Variants in ANAPC7 observed in about 807,000 individuals in gnomAD.
ANAPC7 encodes anaphase promoting complex subunit 7, also known as anaphase-promoting complex subunit 7.
ANAPC7 carries 25 observed loss-of-function variants against 63.3 expected under a neutral mutation model. The ratio of observed to expected loss-of-function variants is 0.39; its 90% CI spans 0.29 to 0.55. The LOEUF is 0.55. Among genes scored for constraint, ANAPC7 ranks in the 20% least tolerant of loss-of-function variants. ANAPC7 has a pLI of 0.57. For missense variants in ANAPC7, 516 were observed against 691.7 expected (o/e 0.75, Z 2.85); for synonymous variants, 241 against 251.7 (o/e 0.96, Z 0.40).
chr12:110,398,837 C>T (rs759671095), intron 1 of ANAPC7, among the ~76,000 whole-genome samples: 5 of 151,442 alleles, frequency 3.3e-5, no homozygotes, highest in African/African-American at 4.8e-5. Context: ...CCCAGCTATT[C>T]GGGAGGCTGA....
At chr12:110,377,840 G>C in intron 8 of ANAPC7, 1 of 1,405,850 alleles carries the variant, frequency 7.1e-7, no homozygotes, top group Non-Finnish European at 9.2e-7. Context: ...GCCTTCAAAG[G>C]CACCTTCAGT....
chr12:110,381,056 G>GAAAAAAAAAAAAAA (rs1881794427), intron 8 of ANAPC7, among the ~76,000 whole-genome samples: 1 of 129,556 alleles, frequency 7.7e-6, no homozygotes. Flanking sequence ...GCGGTGGGAG[G>GAAAAAAAAAAAAAA]ACAAAAAAAA....
At chr12:110,376,345 A>C in intron 9 of ANAPC7, 129 bp from the exon 10 acceptor site, 1 of 1,000,852 alleles carries the variant, frequency 1.0e-6, no homozygotes, top group Admixed American at 2.5e-5. Context: ...AGCACACCTG[A>C]AGCCCTATTC....
At chr12:110,400,222 C>A (rs1285789668) in intron 1 of ANAPC7, among the ~76,000 whole-genome samples, 1 of 152,164 alleles carries the variant, frequency 6.6e-6, no homozygotes, top group African/African-American at 2.4e-5. Flanking sequence ...ATTATTACAT[C>A]CACAGAAAGC....
intron 1 of ANAPC7, among the ~76,000 whole-genome samples, chr12:110,402,844 T>G (rs1449003484): frequency 1.3e-5 from 2 of 151,932 alleles, no homozygotes; most frequent in Non-Finnish European, 2.9e-5. Flanking sequence ...CAAGCGATCC[T>G]CCTGCCTCAG....
intron 3 of ANAPC7, among the ~76,000 whole-genome samples, chr12:110,392,455 C>G (rs1442062552): frequency 6.6e-6 from 1 of 152,108 alleles, no homozygotes; most frequent in Non-Finnish European, 1.5e-5. Context: ...ATACACCAGG[C>G]CCCTACTGCT....
intron 8 of ANAPC7, 53 bp from the exon 9 acceptor site, chr12:110,377,670 A>T (rs768797447): frequency 6.8e-6 from 11 of 1,609,380 alleles, no homozygotes; most frequent in Non-Finnish European, 9.4e-6. Context: ...ATTCCAACCC[A>T]TGCTTCCACT....
intron 8 of ANAPC7, among the ~76,000 whole-genome samples, chr12:110,380,172 G>A (rs1012243905): frequency 6.6e-6 from 1 of 152,130 alleles, no homozygotes; most frequent in East Asian, 1.9e-4. Context: ...CTAACATGGC[G>A]AAACCCCATC....
chr12:110,396,497 A>G (rs779442465), intron 1 of ANAPC7, 45 bp from the exon 2 acceptor site: 14 of 1,460,884 alleles, frequency 9.6e-6, no homozygotes, highest in Non-Finnish European at 1.3e-5. Flanking sequence ...CTCCCTTTCA[A>G]TCCAAGCTCC....
At chr12:110,388,456 GAAC>G in intron 4 of ANAPC7, 53 bp downstream of exon 4, 1 of 1,355,658 alleles carries the variant, frequency 7.4e-7, no homozygotes, top group Non-Finnish European at 1.1e-6. Context: ...GCAAGATTGA[GAAC>G]TACTATCTTT....
intron 3 of ANAPC7, among the ~76,000 whole-genome samples, chr12:110,394,097 AC>A (rs1041744990): frequency 3.6e-4 from 54 of 150,954 alleles, no homozygotes; most frequent in African/African-American, 1.2e-3. Flanking sequence ...AATCACTTGA[AC>A]CCGGGAGGTG....
intron 2 of ANAPC7, 98 bp from the exon 3 acceptor site, chr12:110,395,318 C>CTT (rs34713439): frequency 4.7e-4 from 467 of 987,070 alleles, no homozygotes; most frequent in Non-Finnish European, 5.7e-4. Flanking sequence ...CCCAGCAATT[C>CTT]TTTTTTTTTT....
At position 110,381,970 on chromosome 12, in the gene ANAPC7, A is replaced by AC. The variant is rs1566263469; in HGVS notation, c.936-23_936-22insG. The AC allele has an allele frequency of 6.0e-6, 9 of 1,510,682 alleles. No homozygotes were observed. The South Asian group carries it at 1.1e-4, about 19-fold the overall frequency. 93.6% of individuals were successfully genotyped at this position (1,510,682 alleles called of 1,614,324 possible). ...ACAGCTGGAGAAAAAAAAAAAAAAA[A>AC]AAACACAAAAACCCCAGAAGTTATC... On this transcript the variant is annotated intron_variant, in intron 7 of 10. Transcript: ENST00000455511.
At chr12:110,377,730 G>T in intron 8 of ANAPC7, 113 bp from the exon 9 acceptor site, 1 of 1,531,088 alleles carries the variant, frequency 6.5e-7, no homozygotes, top group South Asian at 1.3e-5. Flanking sequence ...CAAAGGGCAG[G>T]CCACGGGAAA....
Position 110,401,205 on chromosome 12 carries a change from A to G in ANAPC7, c.101+2322T>C, listed in dbSNP as rs548024052. On this transcript the variant is annotated intron_variant, in intron 1 of 10. Transcript: ENST00000455511. ...ATACATCTACAGAGTAAAAGTTTCC[A>G]TTATAACGCCATTTGGAGGTAGCAG... is the stretch of plus-strand genomic sequence containing the variant. Among the ~76,000 whole-genome samples, 4 of 152,332 alleles carry G rather than the reference A, an allele frequency of 2.6e-5. No individual in the cohort carries two copies. In the South Asian group the frequency reaches 6.2e-4, roughly 24 times the overall value.
At chr12:110,399,141 C>T (rs1464500158) in intron 1 of ANAPC7, among the ~76,000 whole-genome samples, 3 of 151,272 alleles carry the variant, frequency 2.0e-5, no homozygotes, top group Non-Finnish European at 4.4e-5. Context: ...CTGCCTCAGC[C>T]TCCCGAGTAG....
intron 3 of ANAPC7, among the ~76,000 whole-genome samples, chr12:110,390,320 C>A (rs1042694295): frequency 6.6e-6 from 1 of 152,230 alleles, no homozygotes; most frequent in South Asian, 2.1e-4. Flanking sequence ...GTGATCCAAC[C>A]ACCTCGGCCT....
At chr12:110,401,524 T>G (rs558885045) in intron 1 of ANAPC7, among the ~76,000 whole-genome samples, 14 of 152,128 alleles carry the variant, frequency 9.2e-5, no homozygotes, top group African/African-American at 3.1e-4. Context: ...GAGGCAACGC[T>G]GAGATGAGGA....
intron 2 of ANAPC7, among the ~76,000 whole-genome samples, chr12:110,395,437 T>C (rs2137980641): frequency 6.6e-6 from 1 of 152,078 alleles, no homozygotes; most frequent in East Asian, 1.9e-4. Context: ...ACCTTGGCCT[T>C]CTGAGTACTA....
Sources: allele counts gnomAD v4.1 joint callset (sites outside exome capture counted in the v4.1 genomes callset), GRCh38; gene constraint gnomAD v4.1.1; transcripts MANE v1.5; gene names NCBI Gene and HGNC (gene_info 2026-07-23, HGNC 2026-07-21).